Variants in SH3BP4 observed in about 807,000 individuals in gnomAD.
The protein encoded by SH3BP4 is SH3 domain binding protein 4, also known as SH3 domain-binding protein 4.
Under a neutral mutation model 65.5 loss-of-function variants are expected in SH3BP4, and 33 were observed. The ratio of observed to expected loss-of-function variants is 0.50; its 90% confidence interval spans 0.38 to 0.67. SH3BP4 has a LOEUF of 0.67. Ranked by LOEUF, SH3BP4 falls within the 30% of genes least tolerant of loss-of-function variation. The probability of loss-of-function intolerance (pLI) is 0.00; values close to 1 mark genes in which losing one functional copy is unlikely to be tolerated. For missense variants in SH3BP4, 1,134 were observed against 1,261.4 expected, an observed-to-expected ratio of 0.90 and a Z score of 1.53; for synonymous variants, 552 against 545.5, an observed-to-expected ratio of 1.01 and a Z score of -0.17.
In SH3BP4 at chr2:234,952,378, C is replaced by A. The variant is rs540429356; in HGVS notation, c.-207+208C>A. On this transcript the variant is annotated intron_variant, in intron 1 of 5. Transcript: ENST00000392011. The surrounding 1 kb of genome is among the most constrained non-coding windows in gnomAD (Gnocchi z 6.5). ...GAAGCCTCGCGCGCCCCTCGCCGCTCCCCCGGGCGCTCGGGTCTCCCTGGT... is the reference window on the plus strand; with the variant it reads ...GAAGCCTCGCGCGCCCCTCGCCGCTACCCCGGGCGCTCGGGTCTCCCTGGT... Among the ~76,000 whole-genome samples, 279 of 151,122 alleles carry A rather than the reference C, an allele frequency of 1.8e-3. No individual in the cohort carries two copies. The highest frequency in any genetic ancestry group is 6.3e-3 in the African/African-American group (262 of 41,420).
intron 1 of SH3BP4, among the ~76,000 whole-genome samples, chr2:234,988,275 A>G (rs111862341): frequency 0.051 from 7,823 of 152,086 alleles, 256 homozygotes; most frequent in Non-Finnish European, 0.069. Context: ...TAGCCAGGAT[A>G]GTCTTGATCT....
intron 1 of SH3BP4, among the ~76,000 whole-genome samples, chr2:234,964,889 C>G (rs1692801622): frequency 6.6e-6 from 1 of 152,078 alleles, no homozygotes; most frequent in South Asian, 2.1e-4. Context: ...GGTGACCCAT[C>G]CATCATCGAC....
chr2:235,027,479 T>A (rs1695039111), intron 2 of SH3BP4, among the ~76,000 whole-genome samples: 1 of 152,300 alleles, frequency 6.6e-6, no homozygotes, highest in African/African-American at 2.4e-5. Flanking sequence ...TCCTCCGGAA[T>A]GCACTCTTGC....
intron 2 of SH3BP4, among the ~76,000 whole-genome samples, chr2:235,025,437 C>T (rs2106314396): frequency 6.6e-6 from 1 of 152,244 alleles, no homozygotes; most frequent in South Asian, 2.1e-4. Flanking sequence ...GAGGGAAGGT[C>T]CGGGTCCTGC....
chr2:234,992,194 G>A (rs1432106902), intron 1 of SH3BP4, among the ~76,000 whole-genome samples: 1 of 152,246 alleles, frequency 6.6e-6, no homozygotes, highest in African/African-American at 2.4e-5. Flanking sequence ...TTTGGAGTTG[G>A]GGCGAGGTGG....
intron 3 of SH3BP4, among the ~76,000 whole-genome samples, chr2:235,037,992 CTG>C (rs2106327916): frequency 6.6e-6 from 1 of 151,852 alleles, no homozygotes; most frequent in Non-Finnish European, 1.5e-5. Context: ...TATGGCTTCT[CTG>C]TGTCGTTTAC....
chr2:234,981,721 G>T (rs1335425688), intron 1 of SH3BP4: 1 of 152,226 alleles, frequency 6.6e-6, no homozygotes, highest in Admixed American at 6.5e-5. Context: ...TGACTTTCGG[G>T]ATGGAGGTGA....
In SH3BP4 at chr2:235,043,241, T is replaced by C. The variant is rs775590111; in HGVS notation, c.2472T>C (p.Leu824=). The C allele has an allele frequency of 1.9e-6, 3 of 1,567,290 alleles. No individual in the cohort carries two copies. In the South Asian group the frequency reaches 3.5e-5, roughly 18 times the overall value. ...AACGGAAGTCCTTCCAGAAGGAGCT[T>C]GTGATGGTGAGTGCTCAGCAGGTGC... ...NKERKSFQKE[L]VMALLKMDCQ... The change falls in exon 4 of 6, where the codon CTT becomes CTC. Residue 824 remains leucine, a synonymous_variant. Transcript: ENST00000392011.
At chr2:234,990,880 G>T (rs1251449272) in intron 1 of SH3BP4, among the ~76,000 whole-genome samples, 1 of 152,158 alleles carries the variant, frequency 6.6e-6, no homozygotes, top group Non-Finnish European at 1.5e-5. Context: ...GCATCTGGGG[G>T]TTTGCAGGTA....
intron 1 of SH3BP4, among the ~76,000 whole-genome samples, chr2:234,959,721 G>A (rs1039100825): frequency 8.7e-5 from 13 of 149,994 alleles, no homozygotes; most frequent in South Asian, 2.1e-4. Flanking sequence ...GCACGATCTC[G>A]GCTGATTGCA....
At chr2:234,988,660 G>A (rs573991131) in intron 1 of SH3BP4, among the ~76,000 whole-genome samples, 14 of 152,270 alleles carry the variant, frequency 9.2e-5, no homozygotes, top group East Asian at 3.9e-4. Flanking sequence ...GAGGGAGGGC[G>A]TTCAGAGAAG....
intron 4 of SH3BP4, among the ~76,000 whole-genome samples, chr2:235,044,592 G>T (rs559669332): frequency 1.3e-5 from 2 of 152,238 alleles, no homozygotes; most frequent in South Asian, 2.1e-4. Flanking sequence ...CTCTGAGCCC[G>T]CAGGCTTTCT....
rs545449762 is a variant in SH3BP4 at position 234,976,610 on chromosome 2, C to T, written c.-206-18693C>T. ...TCTGAGCAGAGCAAGCAGGGGCCTGCGGAAGGGGTTAAGAGGGGCTGGGCA... is the reference window on the plus strand; with the variant it reads ...TCTGAGCAGAGCAAGCAGGGGCCTGTGGAAGGGGTTAAGAGGGGCTGGGCA... On this transcript the variant is annotated intron_variant, in intron 1 of 5. Transcript: ENST00000392011. This position sits in a 1 kb window ranked among gnomAD's most constrained non-coding sequence, Gnocchi z 4.7. Among the ~76,000 whole-genome samples the T allele has an allele frequency of 2.6e-5, 4 of 152,114 alleles. No individual in the cohort carries two copies. Among genetic ancestry groups the T allele is most frequent in the South Asian group, 2.1e-4 (1 of 4,822 alleles).
rs553572462 is a variant in SH3BP4, at chr2:235,045,116, G to A, written c.2478+1869G>A. ...GCTCTCCAGAACCTGGTGCCGGGCCGTGGCCTGGTCTCCTCACGGGTGCAC... is the reference window on the plus strand; with the variant it reads ...GCTCTCCAGAACCTGGTGCCGGGCCATGGCCTGGTCTCCTCACGGGTGCAC... On this transcript the variant is annotated intron_variant, in intron 4 of 5. Coordinates refer to ENST00000392011, the MANE Select transcript of SH3BP4 (RefSeq NM_014521.3). This position sits in a 1 kb window ranked among gnomAD's most constrained non-coding sequence, Gnocchi z 4.3. 4.7e-4 allele frequency among the ~76,000 whole-genome samples: 72 copies of A among 152,308 alleles called. No individual in the cohort carries two copies. Among genetic ancestry groups the A allele is most frequent in the Non-Finnish European group, 8.2e-4 (56 of 68,032 alleles).
In SH3BP4 at chr2:235,053,847, G is replaced by A; in HGVS notation, c.*31G>A. 1 of 1,548,256 alleles carries A rather than the reference G, an allele frequency of 6.5e-7. No individual in the cohort carries two copies. Among genetic ancestry groups the A allele is most frequent in the South Asian group, 1.1e-5 (1 of 89,768 alleles). On this transcript the variant is annotated 3_prime_UTR_variant, in exon 6 of 6. Transcript: ENST00000392011. ...TCCCCTCCCCTCCTGCTGCTCTGGA[G>A]TGCAAGCCCTCTTCTGCCCTGCGTG...
chr2:234,968,729 C>T (rs866615526), intron 1 of SH3BP4, among the ~76,000 whole-genome samples: 18 of 152,174 alleles, frequency 1.2e-4, no homozygotes, highest in African/African-American at 2.7e-4. Flanking sequence ...TCCACACTCA[C>T]GGCTTTTACC....
intron 3 of SH3BP4, among the ~76,000 whole-genome samples, chr2:235,036,740 A>AAAAAAAAAT (rs146049108): frequency 2.1e-5 from 3 of 141,740 alleles, no homozygotes; most frequent in African/African-American, 8.1e-5. Flanking sequence ...TCTATATAAA[A>AAAAAAAAAT]AATAATAATA....
chr2:234,975,057 G>T (rs1359567329), intron 1 of SH3BP4, among the ~76,000 whole-genome samples: 1 of 152,238 alleles, frequency 6.6e-6, no homozygotes, highest in Non-Finnish European at 1.5e-5. Flanking sequence ...GAACTGGACA[G>T]GGGAAGGTTG....
intron 2 of SH3BP4, among the ~76,000 whole-genome samples, chr2:235,027,178 C>T (rs1249819655): frequency 2.0e-5 from 3 of 152,238 alleles, no homozygotes; most frequent in Admixed American, 1.3e-4. Context: ...GGACACCAGT[C>T]GGGTGTTGAC....
Sources: allele counts gnomAD v4.1 joint callset (sites outside exome capture counted in the v4.1 genomes callset), GRCh38; gene constraint gnomAD v4.1.1; non-coding constraint Gnocchi (gnomAD v3.1); transcripts MANE v1.5; gene names NCBI Gene and HGNC (gene_info 2026-07-23, HGNC 2026-07-21).